Variants in RASAL2 observed in about 807,000 individuals in gnomAD.
RASAL2 encodes the protein RAS protein activator like 2.
RASAL2 carries 58 observed loss-of-function variants against 128.9 expected under a neutral mutation model. The observed-to-expected ratio is 0.45, with a 90% CI of 0.36 to 0.56. The LOEUF (loss-of-function observed/expected upper bound fraction) is 0.56, where lower values mean the gene tolerates loss of function less well. Ranked by LOEUF, RASAL2 falls within the 20% of genes least tolerant of loss-of-function variation. RASAL2 has a pLI of 0.00. For missense variants in RASAL2, 1,360 were observed against 1,601.6 expected (o/e 0.85, Z 2.57); for synonymous variants, 561 against 580.8 (o/e 0.97, Z 0.49).
At chr1:178,461,461 G>A (rs6691669) in intron 14 of RASAL2, among the ~76,000 whole-genome samples, 1 of 152,042 alleles carries the variant, frequency 6.6e-6, no homozygotes, top group South Asian at 2.1e-4. Context: ...TTTTTTTCAA[G>A]AAACTCTCTT....
intron 1 of RASAL2, among the ~76,000 whole-genome samples, chr1:178,282,220 C>A (rs530305203): frequency 3.3e-5 from 5 of 152,198 alleles, no homozygotes; most frequent in Admixed American, 1.3e-4. Context: ...GTTCTTGGAC[C>A]TTGAATTATC....
intron 1 of RASAL2, among the ~76,000 whole-genome samples, chr1:178,219,291 T>C (rs1039534199): frequency 2.0e-5 from 3 of 152,162 alleles, no homozygotes; most frequent in African/African-American, 7.2e-5. Context: ...CCACTCAAGC[T>C]TTATTGTTTT....
chr1:178,287,354 C>G (rs1292306232), intron 2 of RASAL2, among the ~76,000 whole-genome samples: 1 of 151,950 alleles, frequency 6.6e-6, no homozygotes, highest in East Asian at 1.9e-4. Context: ...TGGACTAGTG[C>G]TTCACATTCT....
intron 1 of RASAL2, among the ~76,000 whole-genome samples, chr1:178,215,333 C>T (rs1286220741): frequency 6.6e-6 from 1 of 152,192 alleles, no homozygotes; most frequent in African/African-American, 2.4e-5. Flanking sequence ...ACTTTGACAC[C>T]ACAAAACCTC....
intron 3 of RASAL2, chr1:178,389,302 A>G: frequency 1.0e-6 from 1 of 972,964 alleles, no homozygotes; most frequent in Non-Finnish European, 1.2e-6. Flanking sequence ...AGCAGTTGTG[A>G]TAAAGGTATA....
At chr1:178,271,253 G>A (rs1045848215) in intron 1 of RASAL2, among the ~76,000 whole-genome samples, 6 of 152,094 alleles carry the variant, frequency 3.9e-5, no homozygotes, top group Middle Eastern at 3.2e-3. Context: ...CTAGGATTCT[G>A]TTACTCAGGC....
intron 3 of RASAL2, among the ~76,000 whole-genome samples, chr1:178,306,678 T>C (rs939746266): frequency 4.6e-5 from 7 of 152,164 alleles, no homozygotes; most frequent in Non-Finnish European, 1.0e-4. Flanking sequence ...ATGTGTTTTT[T>C]GGCTGCGTAA....
Position 178,250,421 on chromosome 1 carries a change from A to G in RASAL2, c.203-33143A>G, listed in dbSNP as rs1664989013. 2.6e-5 allele frequency among the ~76,000 whole-genome samples: 4 copies of G among 152,212 alleles called. No individual in the cohort carries two copies. The South Asian group carries it at 8.3e-4, about 32-fold the overall frequency. On this transcript the variant is annotated intron_variant, in intron 1 of 17. Transcript: ENST00000367649. ...AGCCTCAGCAATGGCGGACGCCCCAACCCCACCAAGCTTGATCATCCCAGG... is the reference window on the plus strand; with the variant it reads ...AGCCTCAGCAATGGCGGACGCCCCAGCCCCACCAAGCTTGATCATCCCAGG...
intron 3 of RASAL2, among the ~76,000 whole-genome samples, chr1:178,302,542 A>G (rs931550098): frequency 6.6e-6 from 1 of 152,222 alleles, no homozygotes; most frequent in African/African-American, 2.4e-5. Flanking sequence ...ATGATGGTTT[A>G]GAAGACTTAA....
intron 1 of RASAL2, chr1:178,125,638 T>TA (rs1659867731): frequency 6.6e-6 from 1 of 152,346 alleles, no homozygotes; most frequent in Admixed American, 6.5e-5. Context: ...AGCTTACAAT[T>TA]ACATTGACAA....
At chr1:178,290,858 A>G (rs1459276165) in intron 2 of RASAL2, among the ~76,000 whole-genome samples, 1 of 151,818 alleles carries the variant, frequency 6.6e-6, no homozygotes, top group Non-Finnish European at 1.5e-5. Flanking sequence ...TTGTATTTTT[A>G]GTAGAGACAG....
intron 1 of RASAL2, among the ~76,000 whole-genome samples, chr1:178,205,892 A>G (rs1423990265): frequency 6.6e-6 from 1 of 152,172 alleles, no homozygotes; most frequent in Non-Finnish European, 1.5e-5. Flanking sequence ...TTGAAATTAC[A>G]AATTTCCTAG....
intron 2 of RASAL2, among the ~76,000 whole-genome samples, chr1:178,285,199 C>T (rs1269916057): frequency 6.9e-6 from 1 of 144,536 alleles, no homozygotes; most frequent in African/African-American, 2.7e-5. Context: ...CGGCTCACTG[C>T]AAGCTCCGCT....
chr1:178,220,670 G>A (rs1268193756), intron 1 of RASAL2, among the ~76,000 whole-genome samples: 1 of 152,224 alleles, frequency 6.6e-6, no homozygotes, highest in Non-Finnish European at 1.5e-5. Context: ...GAATCATACA[G>A]TATGTAGCCT....
At chr1:178,184,033 G>A (rs1427593990) in intron 1 of RASAL2, among the ~76,000 whole-genome samples, 1 of 152,118 alleles carries the variant, frequency 6.6e-6, no homozygotes, top group African/African-American at 2.4e-5. Flanking sequence ...TCTCACTGTT[G>A]CATTCCCCTA....
At position 178,442,930 on chromosome 1, in the gene RASAL2, G is replaced by A; in HGVS notation, c.1183G>A (p.Val395Ile). Residue 395 changes from valine (V) to isoleucine (I), a missense_variant, in exon 8 of 18, where the codon GTA becomes ATA. Around this residue, in one of 3 missense-constraint regions of RASAL2, gnomAD observed 617 missense variants for 714.2 expected, o/e 0.86. Coordinates refer to ENST00000367649, the MANE Select transcript of RASAL2 (RefSeq NM_170692.4). ...GAAAAAAAAGGACAAGAATAATTAT[G>A]TAGGGCTAGTCAACATCCCCACTGC... ...KKKKKDKNNY[V>I]GLVNIPTASV... The A allele has an allele frequency of 6.2e-7, 1 of 1,614,054 alleles. No individual in the cohort carries two copies. Among genetic ancestry groups the A allele is most frequent in the South Asian group, 1.1e-5 (1 of 91,072 alleles).
intron 1 of RASAL2, among the ~76,000 whole-genome samples, chr1:178,138,727 C>G (rs316269): frequency 0.68 from 104,060 of 151,962 alleles, 37,949 homozygotes; most frequent in East Asian, 0.8. Context: ...TATGAAAATT[C>G]TTAATTTATA....
intron 2 of RASAL2, among the ~76,000 whole-genome samples, chr1:178,288,848 A>G (rs974913903): frequency 6.6e-6 from 1 of 151,324 alleles, no homozygotes; most frequent in Non-Finnish European, 1.5e-5. Context: ...ATGGGGTTTC[A>G]CCATGTTGGC....
intron 3 of RASAL2, among the ~76,000 whole-genome samples, chr1:178,379,515 G>T (rs146336524): frequency 2.0e-5 from 3 of 152,308 alleles, no homozygotes; most frequent in African/African-American, 7.2e-5. Context: ...CATACAGCTT[G>T]ACTTCAGAAA....
Sources: allele counts gnomAD v4.1 joint callset (sites outside exome capture counted in the v4.1 genomes callset), GRCh38; gene constraint gnomAD v4.1.1; regional missense constraint gnomAD v4.1.1; transcripts MANE v1.5; gene names NCBI Gene and HGNC (gene_info 2026-07-23, HGNC 2026-07-21).